TJP1: variants seen among roughly 807,000 people sequenced by gnomAD.
TJP1 encodes the protein tight junction protein ZO-1.
In TJP1, 43 loss-of-function variants were observed where a neutral mutation model predicts 194.2. The ratio of observed to expected loss-of-function variants is 0.22; its 90% CI spans 0.17 to 0.29. The LOEUF (loss-of-function observed/expected upper bound fraction) is 0.29, where lower values mean the gene tolerates loss of function less well. TJP1 is among the 10% of genes least tolerant of loss of function. The probability of loss-of-function intolerance (pLI) is 1.00; values close to 1 mark genes in which losing one functional copy is unlikely to be tolerated. For synonymous variants in TJP1, 801 were observed against 779.0 expected, an observed-to-expected ratio of 1.03 and a Z score of -0.47; for missense variants, 1,971 against 2,185.7, an observed-to-expected ratio of 0.90 and a Z score of 1.96.
chr15:29,934,235 T>C (rs184260393), intron 2 of TJP1, among the ~76,000 whole-genome samples: 1 of 152,366 alleles, frequency 6.6e-6, no homozygotes, highest in East Asian at 1.9e-4. Context: ...ATGATACAAG[T>C]GTCCATCTGT....
chr15:29,784,436 A>C (rs2047569574), intron 2 of TJP1, among the ~76,000 whole-genome samples: 1 of 152,066 alleles, frequency 6.6e-6, no homozygotes, highest in African/African-American at 2.4e-5. Context: ...AGTAGCTGGG[A>C]TTACAGGTGC....
chr15:29,847,339 C>G (rs1302863777), intron 2 of TJP1, among the ~76,000 whole-genome samples: 1 of 152,006 alleles, frequency 6.6e-6, no homozygotes, highest in Admixed American at 6.6e-5. Context: ...TGATTTTTTG[C>G]TTTTTTCTTT....
At chr15:29,862,598 A>C (rs906244588) in intron 2 of TJP1, among the ~76,000 whole-genome samples, 3 of 151,556 alleles carry the variant, frequency 2.0e-5, no homozygotes, top group Non-Finnish European at 4.4e-5. Context: ...GGAGCCAAAC[A>C]CCAGGCTGCA....
intron 10 of TJP1, among the ~76,000 whole-genome samples, chr15:29,737,970 T>A (rs141922437): frequency 6.6e-6 from 1 of 152,304 alleles, no homozygotes; most frequent in East Asian, 1.9e-4. Context: ...CTTACTCTGC[T>A]GCCCCTCTGA....
Position 29,720,016 on chromosome 15 carries a change from T to C in TJP1, c.2764A>G (p.Lys922Glu). Residue 922 changes from lysine (K) to glutamate (E), a missense_variant and splice_region_variant, in exon 20 of 28, where the codon AAA becomes GAA. Lys to Glu is a moderately conservative substitution (Grantham distance 56). Around this residue, in one of 5 missense-constraint regions of TJP1, gnomAD observed 1,108 missense variants for 1,128.5 expected, o/e 0.98. Transcript: ENST00000614355. ...SPGFKPASQQ[K>E]AEASSPVPYL... is the part of the protein sequence containing the mutation. The stretch of plus-strand genomic sequence containing the variant: ...GGGACTGGAGATGAAGCTTCTGCTT[T>C]CTGTGAAGTGTTTAAAATATTTTAA... 1.3e-6 allele frequency: 2 copies of C among 1,598,278 alleles called. No homozygotes were observed.
chr15:29,836,163 C>T (rs2051021198), intron 2 of TJP1, among the ~76,000 whole-genome samples: 1 of 152,138 alleles, frequency 6.6e-6, no homozygotes, highest in Admixed American at 6.5e-5. Context: ...GTACACTCTT[C>T]ACTATCCTCA....
intron 1 of TJP1, among the ~76,000 whole-genome samples, chr15:29,963,207 C>G (rs1261535639): frequency 6.6e-6 from 1 of 152,092 alleles, no homozygotes; most frequent in East Asian, 1.9e-4. Context: ...AGGAGGACCT[C>G]AGTGATCCAT....
chr15:29,843,141 T>C (rs1290817650), intron 2 of TJP1, among the ~76,000 whole-genome samples: 2 of 152,212 alleles, frequency 1.3e-5, no homozygotes, highest in Non-Finnish European at 2.9e-5. Flanking sequence ...TTGATTGCTG[T>C]TCCTATCTTT....
chr15:29,762,925 A>T (rs1472989966), intron 5 of TJP1, among the ~76,000 whole-genome samples: 1 of 152,134 alleles, frequency 6.6e-6, no homozygotes, highest in African/African-American at 2.4e-5. Flanking sequence ...CTAAAGAGTA[A>T]ACTGCTTGAG....
chr15:29,912,758 G>A (rs2054062484), intron 2 of TJP1, among the ~76,000 whole-genome samples: 2 of 150,206 alleles, frequency 1.3e-5, no homozygotes, highest in Admixed American at 6.6e-5. Flanking sequence ...GGGAGGTGAT[G>A]GAACTGTTCT....
At chr15:29,960,683 C>T (rs2056124337) in intron 1 of TJP1, among the ~76,000 whole-genome samples, 1 of 150,366 alleles carries the variant, frequency 6.7e-6, no homozygotes, top group Admixed American at 6.6e-5. Flanking sequence ...GTGGTGTATA[C>T]CAGGTGAAAA....
At chr15:29,780,764 G>A (rs927679769) in intron 2 of TJP1, among the ~76,000 whole-genome samples, 1 of 152,024 alleles carries the variant, frequency 6.6e-6, no homozygotes, top group Non-Finnish European at 1.5e-5. Flanking sequence ...AAGAATTCGA[G>A]ACCAAATCTG....
intron 2 of TJP1, among the ~76,000 whole-genome samples, chr15:29,911,668 T>G (rs1400591743): frequency 6.6e-6 from 1 of 152,198 alleles, no homozygotes; most frequent in Non-Finnish European, 1.5e-5. Flanking sequence ...TCCACCCCTA[T>G]GATCCAATTA....
chr15:29,887,438 T>C (rs2053156646), intron 2 of TJP1, among the ~76,000 whole-genome samples: 1 of 151,866 alleles, frequency 6.6e-6, no homozygotes, highest in Non-Finnish European at 1.5e-5. Flanking sequence ...TAGCTGGGAT[T>C]ACAGGCACGT....
chr15:29,714,791 T>C (rs891986101), intron 23 of TJP1, among the ~76,000 whole-genome samples: 11 of 152,002 alleles, frequency 7.2e-5, no homozygotes, highest in Non-Finnish European at 1.3e-4. Flanking sequence ...TCAGCCTGCC[T>C]TGGTCTCCCA....
intron 2 of TJP1, among the ~76,000 whole-genome samples, chr15:29,846,962 T>C (rs2948553): frequency 0.13 from 20,164 of 151,764 alleles, 1,723 homozygotes; most frequent in East Asian, 0.28. Flanking sequence ...AAACAAGGGC[T>C]GAGATCAAGG....
intron 2 of TJP1, among the ~76,000 whole-genome samples, chr15:29,783,936 A>G (rs2047536218): frequency 6.6e-6 from 1 of 152,176 alleles, no homozygotes; most frequent in African/African-American, 2.4e-5. Context: ...CTACACATGT[A>G]CCCTGAACCT....
At chr15:29,964,368 G>A (rs1161699969) in intron 1 of TJP1, among the ~76,000 whole-genome samples, 1 of 149,752 alleles carries the variant, frequency 6.7e-6, no homozygotes, top group Non-Finnish European at 1.5e-5. Flanking sequence ...TGAGTTCCTA[G>A]TTTATAATTT....
chr15:29,717,217 C>T (rs1023298534), intron 22 of TJP1, among the ~76,000 whole-genome samples: 1 of 152,124 alleles, frequency 6.6e-6, no homozygotes, highest in East Asian at 1.9e-4. Flanking sequence ...TAAGAACTTT[C>T]AAAGGGATTT....
Sources: allele counts gnomAD v4.1 joint callset (sites outside exome capture counted in the v4.1 genomes callset), GRCh38; gene constraint gnomAD v4.1.1; regional missense constraint gnomAD v4.1.1; transcripts MANE v1.5; gene names NCBI Gene and HGNC (gene_info 2026-07-23, HGNC 2026-07-21).